Variants in DNAH7 observed in about 807,000 individuals in gnomAD.
DNAH7 encodes the protein axonemal beta dynein heavy chain 7.
DNAH7 carries 397 observed loss-of-function variants against 444.6 expected under a neutral mutation model. That is an observed-to-expected ratio of 0.89 (90% CI 0.82 to 0.97). The LOEUF is 0.97. Ranked by LOEUF, DNAH7 falls within the 50% of genes least tolerant of loss-of-function variation. The pLI is 0.00. For synonymous variants in DNAH7, 1,636 were observed against 1,624.4 expected, an observed-to-expected ratio of 1.01 and a Z score of -0.17; for missense variants, 4,902 against 4,800.8, an observed-to-expected ratio of 1.02 and a Z score of -0.62.
intron 8 of DNAH7, among the ~76,000 whole-genome samples, chr2:196,022,479 C>A (rs1695441248): frequency 6.6e-6 from 1 of 152,224 alleles, no homozygotes; most frequent in East Asian, 1.9e-4. Context: ...TTTCAGTGTT[C>A]ACAGCATCTT....
chr2:195,879,024 TTAAA>T (rs1264436576), intron 36 of DNAH7, among the ~76,000 whole-genome samples: 1 of 152,098 alleles, frequency 6.6e-6, no homozygotes, highest in African/African-American at 2.4e-5. Flanking sequence ...TAGAAGAATT[TTAAA>T]TAGTTTACGT....
chr2:195,834,345 C>T lies in DNAH7; in HGVS notation c.8961G>A (p.Trp2987Ter). The change falls in exon 48 of 65, where the codon TGG (tryptophan) becomes TGA (stop). Residue 2987 changes from tryptophan to a stop codon, truncating the protein, a stop_gained. Transcript: ENST00000312428. LOFTEE classifies it high-confidence loss of function. ...NGIIIMNARR[W>*]PLMIDPQSQA... Reference sequence around the variant, plus strand: ...GACTTTGAGGATCTATCATCAGAGGCCACCTTCTTGCATTCCTGAAAAGGA... The same window carrying T: ...GACTTTGAGGATCTATCATCAGAGGTCACCTTCTTGCATTCCTGAAAAGGA... The T allele has an allele frequency of 6.3e-7, 1 of 1,593,798 alleles. No homozygotes were observed. The highest frequency in any genetic ancestry group is 8.6e-7 in the Non-Finnish European group (1 of 1,164,926).
At chr2:195,919,251 A>G (rs1401137188) in intron 24 of DNAH7, among the ~76,000 whole-genome samples, 1 of 151,770 alleles carries the variant, frequency 6.6e-6, no homozygotes, top group Non-Finnish European at 1.5e-5. Flanking sequence ...AAAAAAAAAA[A>G]AGATGTTAAT....
At chr2:195,739,710 C>T (rs1692876315) in intron 64 of DNAH7, among the ~76,000 whole-genome samples, 1 of 152,200 alleles carries the variant, frequency 6.6e-6, no homozygotes, top group Non-Finnish European at 1.5e-5. Flanking sequence ...AATTTGCCTA[C>T]TCACCAAAGT....
At chr2:195,765,091 C>G (rs191834325) in intron 61 of DNAH7, among the ~76,000 whole-genome samples, 33 of 152,250 alleles carry the variant, frequency 2.2e-4, no homozygotes, top group Admixed American at 2.1e-3. Flanking sequence ...CATACATCTA[C>G]AGTGAACTCA....
chr2:196,061,353 A>ATTT (rs1698123509), intron 1 of DNAH7, among the ~76,000 whole-genome samples: 1 of 152,036 alleles, frequency 6.6e-6, no homozygotes, highest in African/African-American at 2.4e-5. Context: ...CTTTATCCTA[A>ATTT]GTTCCCCACT....
chr2:195,890,253 G>A (rs944878092), intron 31 of DNAH7, among the ~76,000 whole-genome samples: 7 of 152,174 alleles, frequency 4.6e-5, no homozygotes, highest in South Asian at 2.1e-4. Flanking sequence ...GCCACAGCTC[G>A]GTGATCATCT....
intron 35 of DNAH7, among the ~76,000 whole-genome samples, chr2:195,882,305 C>T (rs1298173241): frequency 1.3e-5 from 2 of 152,132 alleles, no homozygotes; most frequent in African/African-American, 4.8e-5. Flanking sequence ...TTGAGAAAAT[C>T]AAACTAACCA....
intron 19 of DNAH7, among the ~76,000 whole-genome samples, chr2:195,953,481 C>T (rs975484837): frequency 3.9e-5 from 6 of 152,218 alleles, no homozygotes; most frequent in African/African-American, 1.2e-4. Context: ...TGATCCACTG[C>T]TCTCTTCAGA....
chr2:195,875,651 T>C, intron 38 of DNAH7, 24 bp downstream of exon 38: 1 of 1,536,150 alleles, frequency 6.5e-7, no homozygotes, highest in South Asian at 1.3e-5. Flanking sequence ...TCCATCTTAG[T>C]AATCACAAAC....
Position 195,796,671 on chromosome 2 carries a change from T to A in DNAH7, c.10420A>T (p.Met3474Leu). 6.2e-7 allele frequency: 1 copy of A among 1,614,178 alleles called. No individual in the cohort carries two copies. ...CCTTCCTTGACAGCTTTTTCTAACA[T>A]CTTCATAGCAATGGGCCCTTGGCCT... is the stretch of plus-strand genomic sequence containing the variant. ...GQGQGPIAMKMLEKAVKEGTW... is the reference protein window; with the variant it reads ...GQGQGPIAMKLLEKAVKEGTW... The change falls in exon 56 of 65, where the codon ATG (methionine) becomes TTG (leucine). Residue 3474 changes from methionine to leucine, a missense_variant. Met to Leu is a conservative substitution (Grantham distance 15). Transcript: ENST00000312428.
chr2:195,804,096 C>G (rs1696601456), intron 54 of DNAH7, among the ~76,000 whole-genome samples: 1 of 152,022 alleles, frequency 6.6e-6, no homozygotes, highest in African/African-American at 2.4e-5. Flanking sequence ...ATGGAGCATA[C>G]AGTAAACTAG....
chr2:195,766,147 C>T (rs576955217), intron 61 of DNAH7, among the ~76,000 whole-genome samples: 19 of 111,094 alleles, frequency 1.7e-4, no homozygotes, highest in Admixed American at 6.2e-4. Flanking sequence ...TGCATGTTCT[C>T]GTTTAATTTG....
intron 46 of DNAH7, among the ~76,000 whole-genome samples, chr2:195,846,949 A>ATGTGTGTG (rs35075325): frequency 0.052 from 7,163 of 137,142 alleles, 257 homozygotes; most frequent in African/African-American, 0.095. Context: ...ACTCCCATAT[A>ATGTGTGTG]TGTGTGTGTG....
chr2:196,012,585 C>A (rs1253546147), intron 10 of DNAH7, among the ~76,000 whole-genome samples: 1 of 152,082 alleles, frequency 6.6e-6, no homozygotes, highest in African/African-American at 2.4e-5. Flanking sequence ...TTGTCATGAA[C>A]ATTTTAGTTT....
chr2:196,004,782 T>TCACACA lies in DNAH7; in HGVS notation c.990-2930_990-2925dup, dbSNP rs58787682. On this transcript the variant is annotated intron_variant, in intron 10 of 64. Coordinates refer to ENST00000312428, the MANE Select transcript of DNAH7 (RefSeq NM_018897.3). ...CTGGACAACATGGTGAGGGTCTGTCTCACACACACACACACACACACACAC... is the reference window on the plus strand; with the variant it reads ...CTGGACAACATGGTGAGGGTCTGTCTCACACACACACACACACACACACACACACAC... Among the ~76,000 whole-genome samples the TCACACA allele has an allele frequency of 9.4e-4, 138 of 146,290 alleles. 4 individuals are homozygous for TCACACA. Among genetic ancestry groups the TCACACA allele is most frequent in the East Asian group, 8.1e-4 (4 of 4,916 alleles).
Position 195,976,323 on chromosome 2 carries a change from A to G in DNAH7, c.1834-3857T>C, listed in dbSNP as rs570698917. The stretch of plus-strand genomic sequence containing the variant: ...CCAAGGACCTGTGGTGGTGGTGGAC[A>G]TAAGAGTCTCCTCTGCTTATCAAAA... On this transcript the variant is annotated intron_variant, in intron 15 of 64. Coordinates refer to ENST00000312428, the MANE Select transcript of DNAH7 (RefSeq NM_018897.3). Among the ~76,000 whole-genome samples the G allele has an allele frequency of 1.2e-3, 181 of 152,312 alleles. 2 individuals carry two copies. The highest frequency in any genetic ancestry group is 4.2e-3 in the African/African-American group (173 of 41,574).
chr2:195,888,349 G>A lies in DNAH7; in HGVS notation c.5315C>T (p.Ala1772Val), dbSNP rs748432820. The stretch of plus-strand genomic sequence containing the variant: ...TTCCTTTTGAATAACACTGACTGAC[G>A]CAGGTAACAGATTCACCCAGGACAA... ...LMLSWVNLLPASVSVIQKEFI... is the reference protein window; with the variant it reads ...LMLSWVNLLPVSVSVIQKEFI... The change falls in exon 33 of 65, where the codon GCG becomes GTG. Residue 1772 changes from alanine to valine, a missense_variant. Ala to Val is a moderately conservative substitution (Grantham distance 64, BLOSUM62 0). Coordinates refer to ENST00000312428, the MANE Select transcript of DNAH7 (RefSeq NM_018897.3). The A allele has an allele frequency of 8.3e-5, 134 of 1,609,758 alleles. No homozygotes were observed. Among genetic ancestry groups the A allele is most frequent in the Middle Eastern group, 1.6e-4 (1 of 6,072 alleles).
chr2:195,891,739 T>G lies in DNAH7; in HGVS notation c.4962A>C (p.Gln1654His). 3.7e-6 allele frequency: 6 copies of G among 1,609,966 alleles called. No individual in the cohort carries two copies. Among genetic ancestry groups the G allele is most frequent in the South Asian group, 1.1e-5 (1 of 89,742 alleles). Residue 1654 changes from glutamine (Q) to histidine (H), a missense_variant, in exon 31 of 65, where the codon CAA (glutamine) becomes CAC (histidine). Coordinates refer to ENST00000312428, the MANE Select transcript of DNAH7 (RefSeq NM_018897.3). ...VLNPKSVTMG[Q>H]LYGQFDSVSH... ...ACACTGAATCAAACTGTCCGTACAG[T>G]TGGCCCATGGTGACAGACTTAGGAT... is the stretch of plus-strand genomic sequence containing the variant.
Sources: allele counts gnomAD v4.1 joint callset (sites outside exome capture counted in the v4.1 genomes callset), GRCh38; gene constraint gnomAD v4.1.1; transcripts MANE v1.5; gene names NCBI Gene and HGNC (gene_info 2026-07-23, HGNC 2026-07-21).